Variants in TF observed in about 807,000 individuals in gnomAD.
TF encodes the protein serotransferrin.
Under a neutral mutation model 82.4 loss-of-function variants are expected in TF, and 55 were observed. The observed-to-expected ratio is 0.67, with a 90% CI of 0.54 to 0.84. The LOEUF (loss-of-function observed/expected upper bound fraction) is 0.84. TF is among the 40% of genes least tolerant of loss of function. The pLI, the probability that TF is intolerant of heterozygous loss-of-function variation, is 0.00. For missense variants in TF, 737 were observed against 868.4 expected (o/e 0.85, Z 1.90); for synonymous variants, 332 against 332.6 (o/e 1.00, Z 0.02).
At chr3:133,713,841 G>T in the TF span, among the ~76,000 whole-genome samples, 4 of 152,130 alleles carry the variant, frequency 2.6e-5, no homozygotes, top group Admixed American at 1.3e-4. Flanking sequence ...CCTTGGTGGG[G>T]TATGGGGGGT....
upstream of TF, among the ~76,000 whole-genome samples, chr3:133,744,014 G>A (rs568385855): frequency 3.7e-4 from 57 of 152,186 alleles, 2 homozygotes; most frequent in East Asian, 9.6e-4. Context: ...TGTAGATGAC[G>A]TGGGAGCACC....
the TF span, among the ~76,000 whole-genome samples, chr3:133,736,631 C>CAAAAAAA: frequency 0.081 from 2,621 of 32,160 alleles, 168 homozygotes; most frequent in East Asian, 0.12. Flanking sequence ...AATGGAAAGC[C>CAAAAAAA]AAAAAAAAAA....
chr3:133,682,678 G>A, the TF span, among the ~76,000 whole-genome samples: 30 of 152,114 alleles, frequency 2.0e-4, no homozygotes, highest in Admixed American at 1.8e-3. Flanking sequence ...AAAAAGAAAC[G>A]AACAAAGCCT....
rs372211121 is a variant in TF, at chr3:133,757,668, T to G, written c.871-101T>G. 5.0e-5 allele frequency: 62 copies of G among 1,229,292 alleles called. 1 individual carries two copies. In the African/African-American group the frequency reaches 8.8e-4, roughly 18 times the overall value. 76.1% of individuals were successfully genotyped at this position (1,229,292 alleles called of 1,614,324 possible). A position where few individuals can be genotyped will look rare whatever the true frequency, so the allele number is the denominator to read the frequency against. Reference sequence around the variant, plus strand: ...CCCTCTCTCCTGGCATCTTGAACTTTTTCATGTTGTTTCCTGCAGAGATTT... The same window carrying G: ...CCCTCTCTCCTGGCATCTTGAACTTGTTCATGTTGTTTCCTGCAGAGATTT... On this transcript the variant is annotated intron_variant, in intron 7 of 16. Coordinates refer to ENST00000402696, the MANE Select transcript of TF (RefSeq NM_001063.4).
Position 133,780,093 on chromosome 3 carries a change from C to A in TF, c.*1473C>A, listed in dbSNP as rs1183452208. The stretch of plus-strand genomic sequence containing the variant: ...GAAGTGCAGATAAGGGGTATCTGGA[C>A]ACAACATTCCACACCTCTCTCAACT... On this transcript the variant is annotated 3_prime_UTR_variant, in exon 17 of 17. Transcript: ENST00000402696. 6.6e-6 allele frequency: 1 copy of A among 152,206 alleles called. No homozygotes were observed. The highest frequency in any genetic ancestry group is 1.5e-5 in the Non-Finnish European group (1 of 68,054). The allele number at this position is 152,206 out of a possible 1,614,324, so 9.4% of individuals were successfully genotyped here.
rs2107947095 is a variant in TF at position 133,786,818 on chromosome 3, A to G, written c.*8198A>G. 1 of 152,350 alleles carries G rather than the reference A, an allele frequency of 6.6e-6. No homozygotes were observed. Among genetic ancestry groups the G allele is most frequent in the East Asian group, 1.9e-4 (1 of 5,184 alleles). 9.4% of individuals were successfully genotyped at this position (152,350 alleles called of 1,614,324 possible). Reference sequence around the variant, plus strand: ...TTCAAGACTTCTGTGCATATAGTGGACGAATTAACTTCTTACCTGAAACAT... The same window carrying G: ...TTCAAGACTTCTGTGCATATAGTGGGCGAATTAACTTCTTACCTGAAACAT... On this transcript the variant is annotated 3_prime_UTR_variant, in exon 17 of 17. Transcript: ENST00000402696.
chr3:133,770,038 C>A (rs1576365717), intron 13 of TF, among the ~76,000 whole-genome samples: 3 of 152,264 alleles, frequency 2.0e-5, no homozygotes, highest in East Asian at 3.9e-4. Flanking sequence ...AAAAAACCCA[C>A]AACATAGCAA....
At chr3:133,696,793 CTT>C in the TF span, among the ~76,000 whole-genome samples, 9 of 142,076 alleles carry the variant, frequency 6.3e-5, no homozygotes, top group South Asian at 2.2e-4. Flanking sequence ...ACTTCTTCTT[CTT>C]TTTTTTTTTT....
At chr3:133,772,604 C>T (rs1027868900) in intron 14 of TF, 3 of 152,200 alleles carry the variant, frequency 2.0e-5, no homozygotes, top group African/African-American at 7.2e-5. Context: ...ACGTTCCCTC[C>T]TCTTCTCCCA....
chr3:133,721,620 A>C, the TF span, among the ~76,000 whole-genome samples: 2 of 152,110 alleles, frequency 1.3e-5, no homozygotes, highest in South Asian at 2.1e-4. Context: ...GATGCAGTTA[A>C]AGTCTTTTTT....
the TF span, among the ~76,000 whole-genome samples, chr3:133,734,983 T>C: frequency 0.082 from 12,440 of 152,218 alleles, 687 homozygotes; most frequent in East Asian, 0.26. Flanking sequence ...AACATGTGGA[T>C]CTTCTTTGGG....
the TF span, among the ~76,000 whole-genome samples, chr3:133,727,183 G>T: frequency 1.3e-5 from 2 of 152,300 alleles, no homozygotes; most frequent in East Asian, 3.9e-4. Flanking sequence ...GCTTGGTGTA[G>T]AGCTGAGTTC....
chr3:133,750,387 T>A (rs1349247041), intron 2 of TF, among the ~76,000 whole-genome samples: 1 of 152,122 alleles, frequency 6.6e-6, no homozygotes. Context: ...AGCAGTAGGT[T>A]AGCCGAAGGG....
chr3:133,680,415 G>A, the TF span, among the ~76,000 whole-genome samples: 1 of 152,050 alleles, frequency 6.6e-6, no homozygotes, highest in East Asian at 1.9e-4. Context: ...TGTTGCCCAG[G>A]CTGGTCTCAG....
the TF span, chr3:133,704,154 A>C: frequency 1.7e-4 from 32 of 187,944 alleles, no homozygotes; most frequent in African/African-American, 7.0e-4. Context: ...AAGCCAGTGA[A>C]ATGAGAACCT....
At position 133,753,579 on chromosome 3, in the gene TF, G is replaced by A; in HGVS notation, c.217-16G>A. 1 of 1,611,616 alleles carries A rather than the reference G, an allele frequency of 6.2e-7. No individual in the cohort carries two copies. The highest frequency in any genetic ancestry group is 8.5e-7 in the Non-Finnish European group (1 of 1,177,724). Reference sequence around the variant, plus strand: ...GAAGTCAAGGCTTCATCCAGGACTGGCCTGTTCTCTTTCAGGCAAACGAAG... The same window carrying A: ...GAAGTCAAGGCTTCATCCAGGACTGACCTGTTCTCTTTCAGGCAAACGAAG... On this transcript the variant is annotated splice_polypyrimidine_tract_variant and intron_variant, in intron 2 of 16. Transcript: ENST00000402696.
At chr3:133,676,189 C>T in the TF span, among the ~76,000 whole-genome samples, 1 of 152,194 alleles carries the variant, frequency 6.6e-6, no homozygotes, top group East Asian at 1.9e-4. Context: ...ACCTGTCACT[C>T]ACTGCTGTGT....
chr3:133,714,719 G>A, the TF span, among the ~76,000 whole-genome samples: 1 of 152,162 alleles, frequency 6.6e-6, no homozygotes, highest in East Asian at 1.9e-4. Context: ...GTCTTGCTCT[G>A]TCACCTAGGC....
chr3:133,753,449 C>T, intron 2 of TF, 146 bp from the exon 3 acceptor site: 2 of 704,522 alleles, frequency 2.8e-6, no homozygotes, highest in East Asian at 2.7e-5. Context: ...ACAGAGTCAA[C>T]TGAAGCCAGC....
Sources: allele counts gnomAD v4.1 joint callset (sites outside exome capture counted in the v4.1 genomes callset), GRCh38; gene constraint gnomAD v4.1.1; transcripts MANE v1.5; gene names NCBI Gene and HGNC (gene_info 2026-07-23, HGNC 2026-07-21).